KPNA1: variants seen among roughly 807,000 people sequenced by gnomAD.
KPNA1 encodes importin subunit alpha-5.
KPNA1 carries 10 observed loss-of-function variants against 70.5 expected under a neutral mutation model. The observed-to-expected ratio is 0.14, with a 90% CI of 0.09 to 0.24. KPNA1 has a LOEUF of 0.24. KPNA1 is among the 10% of genes least tolerant of loss of function. KPNA1 has a pLI of 1.00. For synonymous variants in KPNA1, 192 were observed against 221.9 expected (o/e 0.87, Z 1.20); for missense variants, 397 against 637.9 (o/e 0.62, Z 4.07).
chr3:122,444,561 T>A (rs763839672), intron 9 of KPNA1, among the ~76,000 whole-genome samples: 61 of 152,324 alleles, frequency 4.0e-4, no homozygotes, highest in Admixed American at 1.3e-3. Context: ...CCTTCTGCCA[T>A]GGCTTCAGCC....
intron 1 of KPNA1, among the ~76,000 whole-genome samples, chr3:122,497,978 T>C (rs2076783248): frequency 6.6e-6 from 1 of 152,232 alleles, no homozygotes; most frequent in Non-Finnish European, 1.5e-5. Context: ...CCAAGAATCC[T>C]TAACCTTGTG....
chr3:122,452,207 C>G (rs1392689444), intron 6 of KPNA1, 143 bp from the exon 7 acceptor site: 1 of 723,516 alleles, frequency 1.4e-6, no homozygotes, highest in African/African-American at 1.8e-5. Context: ...TAAATAATAT[C>G]CTAAAGTGTA....
At chr3:122,506,395 T>C (rs1367271628) in intron 1 of KPNA1, among the ~76,000 whole-genome samples, 1 of 152,218 alleles carries the variant, frequency 6.6e-6, no homozygotes, top group Non-Finnish European at 1.5e-5. Flanking sequence ...GTTCAGTTCA[T>C]TTGAAAATAT....
Position 122,451,490 on chromosome 3 carries a change from T to A in KPNA1, c.753+44A>T, listed in dbSNP as rs760939869. The A allele has an allele frequency of 2.5e-5, 27 of 1,089,862 alleles. No individual in the cohort carries two copies. In the South Asian group the frequency reaches 3.5e-4, roughly 14 times the overall value. 67.5% of individuals were successfully genotyped at this position (1,089,862 alleles called of 1,614,324 possible). On this transcript the variant is annotated intron_variant, in intron 8 of 13. Transcript: ENST00000344337. ...CTTACCATTGGTTGCAATACTCTTTTAATTGTATTTTTTCTGCCAATGTCC... is the reference window on the plus strand; with the variant it reads ...CTTACCATTGGTTGCAATACTCTTTAAATTGTATTTTTTCTGCCAATGTCC...
At chr3:122,429,503 A>T (rs2075871583) in intron 12 of KPNA1, among the ~76,000 whole-genome samples, 1 of 151,206 alleles carries the variant, frequency 6.6e-6, no homozygotes, top group African/African-American at 2.4e-5. Context: ...AAAAAGTGTA[A>T]ATCTAATAAA....
chr3:122,462,726 G>C lies in KPNA1; in HGVS notation c.337+1216C>G, dbSNP rs184898856. Among the ~76,000 whole-genome samples, 3 of 152,008 alleles carry C rather than the reference G, an allele frequency of 2.0e-5. No homozygotes were observed. In the East Asian group the frequency reaches 5.8e-4, roughly 29 times the overall value. On this transcript the variant is annotated intron_variant, in intron 4 of 13. Coordinates refer to ENST00000344337, the MANE Select transcript of KPNA1 (RefSeq NM_002264.4). The stretch of plus-strand genomic sequence containing the variant: ...GGTCTGCAAAAGACAATATTTTTTT[G>C]TCATAGTAGTAGTTTTTTATTCCAC...
At chr3:122,495,262 C>CAAAAAAAAAAAAAAAAAAAAAAAAAA (rs748751423) in intron 2 of KPNA1, among the ~76,000 whole-genome samples, 12 of 86,370 alleles carry the variant, frequency 1.4e-4, no homozygotes, top group Non-Finnish European at 1.4e-4. Flanking sequence ...TCAAACAAAC[C>CAAAAAAAAAAAAAAAAAAAAAAAAAA]AAAAAAAAAA....
chr3:122,477,957 A>T lies in KPNA1; in HGVS notation c.130-10528T>A, dbSNP rs534633609. ...GGCGGGGGGATCATGATGTCAGGAG[A>T]TTGAGACCATCCTGGCCAACATGGT... On this transcript the variant is annotated intron_variant, in intron 2 of 13. Coordinates refer to ENST00000344337, the MANE Select transcript of KPNA1 (RefSeq NM_002264.4). 1.4e-3 allele frequency among the ~76,000 whole-genome samples: 211 copies of T among 151,790 alleles called. 3 individuals are homozygous for T. Among genetic ancestry groups the T allele is most frequent in the South Asian group, 1.0e-2 (48 of 4,802 alleles).
intron 2 of KPNA1, among the ~76,000 whole-genome samples, chr3:122,494,020 GTTGT>G (rs1008518262): frequency 6.6e-6 from 1 of 151,254 alleles, no homozygotes; most frequent in African/African-American, 2.4e-5. Flanking sequence ...TTTTTTTCTT[GTTGT>G]TTGAGTTCCT....
chr3:122,464,176 T>G, intron 3 of KPNA1, 135 bp from the exon 4 acceptor site: 1 of 446,598 alleles, frequency 2.2e-6, no homozygotes, highest in Non-Finnish European at 4.0e-6. Flanking sequence ...AGGACAATCT[T>G]TACATATAGA....
Position 122,489,057 on chromosome 3 carries a change from C to CGTGTGTGTGTGTGT in KPNA1, c.129+7366_129+7379dup, listed in dbSNP as rs34002370. On this transcript the variant is annotated intron_variant, in intron 2 of 13. Transcript: ENST00000344337. ...ACTCGCTTGTGGGTTTTTTTGCGTG[C>CGTGTGTGTGTGTGT]GTGTGTGTGTGTGTGTGTGTGTGTG... Among the ~76,000 whole-genome samples the CGTGTGTGTGTGTGT allele has an allele frequency of 9.4e-4, 123 of 130,792 alleles. 3 individuals are homozygous for CGTGTGTGTGTGTGT. Among genetic ancestry groups the CGTGTGTGTGTGTGT allele is most frequent in the Middle Eastern group, 3.7e-3 (1 of 268 alleles). The allele number at this position is 130,792 out of a possible 152,430, so 85.8% of individuals were successfully genotyped here.
intron 2 of KPNA1, among the ~76,000 whole-genome samples, chr3:122,493,219 T>G (rs2076719378): frequency 6.6e-6 from 1 of 152,106 alleles, no homozygotes; most frequent in African/African-American, 2.4e-5. Flanking sequence ...TCAATAAAAT[T>G]TTCATGCCAG....
intron 1 of KPNA1, among the ~76,000 whole-genome samples, chr3:122,508,668 T>C (rs1488048035): frequency 6.6e-6 from 1 of 152,118 alleles, no homozygotes; most frequent in Non-Finnish European, 1.5e-5. Context: ...GGAAACTGAC[T>C]AGCCCAAGAG....
chr3:122,447,778 C>T (rs1331195794), intron 9 of KPNA1, among the ~76,000 whole-genome samples: 2 of 152,176 alleles, frequency 1.3e-5, no homozygotes, highest in African/African-American at 4.8e-5. Flanking sequence ...AAAACTCCAT[C>T]GTCTCAGCCC....
At chr3:122,427,254 T>C in intron 13 of KPNA1, 82 bp from the exon 14 acceptor site, 2 of 976,276 alleles carry the variant, frequency 2.0e-6, no homozygotes, top group East Asian at 2.6e-5. Context: ...TCCTAAACTA[T>C]ATTTTGTCAT....
intron 5 of KPNA1, chr3:122,459,693 G>C (rs918857082): frequency 2.4e-5 from 24 of 985,366 alleles, no homozygotes; most frequent in Non-Finnish European, 2.9e-5. Flanking sequence ...TAGCAAAACA[G>C]AACCTTAATT....
intron 2 of KPNA1, among the ~76,000 whole-genome samples, chr3:122,480,337 G>A (rs1259884516): frequency 6.6e-6 from 1 of 152,102 alleles, no homozygotes; most frequent in African/African-American, 2.4e-5. Flanking sequence ...ATCACTCCAT[G>A]GGGGATGCTG....
At chr3:122,503,645 G>A (rs184615608) in intron 1 of KPNA1, among the ~76,000 whole-genome samples, 2 of 152,278 alleles carry the variant, frequency 1.3e-5, no homozygotes, top group Admixed American at 6.5e-5. Context: ...ACTTCCCACT[G>A]TCTGGCCCTT....
intron 3 of KPNA1, among the ~76,000 whole-genome samples, chr3:122,465,091 T>A (rs530464866): frequency 6.6e-6 from 1 of 152,348 alleles, no homozygotes; most frequent in South Asian, 2.1e-4. Context: ...CAAGCTGTAC[T>A]GACTTTACAT....
Sources: gnomAD v4.1 joint callset for allele counts (sites outside exome capture counted in the v4.1 genomes callset) on GRCh38, gnomAD v4.1.1 for gene constraint, MANE v1.5 for transcripts, NCBI Gene and HGNC (gene_info 2026-07-23, HGNC 2026-07-21) for gene names.